RSPRY1: variants seen among roughly 807,000 people sequenced by gnomAD.
RSPRY1 encodes the protein ring finger and SPRY domain containing 1.
Under a neutral mutation model 73.1 loss-of-function variants are expected in RSPRY1, and 23 were observed. The ratio of observed to expected loss-of-function variants is 0.31; its 90% CI spans 0.23 to 0.45. The LOEUF (loss-of-function observed/expected upper bound fraction) is 0.45, where lower values mean the gene tolerates loss of function less well. Among genes scored for constraint, RSPRY1 ranks in the 20% least tolerant of loss-of-function variants. The pLI, the probability that RSPRY1 is intolerant of heterozygous loss-of-function variation, is 1.00. For missense variants in RSPRY1, 448 were observed against 698.7 expected, an observed-to-expected ratio of 0.64 and a Z score of 4.05; for synonymous variants, 226 against 251.4, an observed-to-expected ratio of 0.90 and a Z score of 0.95.
At chr16:57,221,711 C>T (rs1030426046) in intron 10 of RSPRY1, among the ~76,000 whole-genome samples, 3 of 152,274 alleles carry the variant, frequency 2.0e-5, no homozygotes, top group East Asian at 1.9e-4. Flanking sequence ...ACCCCAGCCA[C>T]GTACTTGGCT....
chr16:57,223,799 T>G (rs532708394), intron 10 of RSPRY1, among the ~76,000 whole-genome samples: 1 of 152,202 alleles, frequency 6.6e-6, no homozygotes, highest in African/African-American at 2.4e-5. Context: ...TAAATATCTT[T>G]TGCTTTTTTG....
chr16:57,196,181 GGACCTCATGGGAAATA>G (rs1340448559), intron 1 of RSPRY1, among the ~76,000 whole-genome samples: 1 of 151,886 alleles, frequency 6.6e-6, no homozygotes, highest in African/African-American at 2.4e-5. Flanking sequence ...TTCGTAAGAT[GGACCTCATGGGAAATA>G]TATGGAGCCA....
intron 1 of RSPRY1, among the ~76,000 whole-genome samples, chr16:57,201,692 T>G (rs1002704815): frequency 6.6e-6 from 1 of 152,208 alleles, no homozygotes; most frequent in East Asian, 1.9e-4. Context: ...TGAACGCGAC[T>G]CCGTCTGCCA....
intron 4 of RSPRY1, 150 bp downstream of exon 4, chr16:57,209,337 G>C: frequency 1.8e-6 from 1 of 562,790 alleles, no homozygotes; most frequent in Non-Finnish European, 3.1e-6. Context: ...AATTTATTTT[G>C]TATTATGAAG....
At chr16:57,195,762 C>A (rs543920532) in intron 1 of RSPRY1, among the ~76,000 whole-genome samples, 19 of 151,406 alleles carry the variant, frequency 1.3e-4, no homozygotes, top group African/African-American at 4.1e-4. Context: ...GTGGCTCACA[C>A]CTGTAATCCC....
chr16:57,216,084 T>C, intron 6 of RSPRY1, 23 bp from the exon 7 acceptor site: 2 of 1,558,682 alleles, frequency 1.3e-6, no homozygotes, highest in Non-Finnish European at 1.7e-6. Context: ...TTTTTTTTTT[T>C]TTTATCTTTT....
intron 1 of RSPRY1, among the ~76,000 whole-genome samples, chr16:57,198,902 C>T (rs1340037899): frequency 6.6e-6 from 1 of 152,180 alleles, no homozygotes; most frequent in African/African-American, 2.4e-5. Context: ...TCCTAGGACC[C>T]TTACCACTGT....
At chr16:57,198,094 G>T (rs1225999800) in intron 1 of RSPRY1, among the ~76,000 whole-genome samples, 1 of 151,830 alleles carries the variant, frequency 6.6e-6, no homozygotes, top group Non-Finnish European at 1.5e-5. Context: ...CCTTAAAATT[G>T]TACTAAATGG....
intron 1 of RSPRY1, among the ~76,000 whole-genome samples, chr16:57,202,133 G>A (rs1354335185): frequency 1.3e-4 from 19 of 151,136 alleles, no homozygotes; most frequent in Non-Finnish European, 2.9e-5. Flanking sequence ...CCAGTCTGGG[G>A]AACATAGCAA....
chr16:57,235,090 ACAAAATGTATTT>A (rs773204670), intron 13 of RSPRY1, 22 bp from the exon 14 acceptor site: 19 of 1,522,418 alleles, frequency 1.2e-5, no homozygotes, highest in Non-Finnish European at 1.7e-5. Context: ...ACCCCTGTTG[ACAAAATGTATTT>A]CAAATTGCTT....
At position 57,208,231 on chromosome 16, in the gene RSPRY1, A is replaced by C. The variant is rs561238954; in HGVS notation, c.403+121A>C. ...AAAAGACTCCAAAAATACAGCATAC[A>C]TAACAATGAAAAAAGCCCTTACTGT... On this transcript the variant is annotated intron_variant, in intron 3 of 14. Transcript: ENST00000394420. 173 of 594,842 alleles carry C rather than the reference A, an allele frequency of 2.9e-4. No individual in the cohort carries two copies. The African/African-American group carries it at 3.1e-3, about 11-fold the overall frequency. 36.8% of individuals were successfully genotyped at this position (594,842 alleles called of 1,614,324 possible). A position where few individuals can be genotyped will look rare whatever the true frequency, so the allele number is the denominator to read the frequency against.
chr16:57,228,272 CAAAAAAAAAAA>C (rs34368338), intron 11 of RSPRY1, among the ~76,000 whole-genome samples: 4 of 72,092 alleles, frequency 5.5e-5, no homozygotes, highest in African/African-American at 1.6e-4. Context: ...GACTCCATCT[CAAAAAAAAAAA>C]AAAAAAAAAA....
chr16:57,194,082 G>T (rs2146171223), intron 1 of RSPRY1, among the ~76,000 whole-genome samples: 1 of 152,178 alleles, frequency 6.6e-6, no homozygotes, highest in Admixed American at 6.5e-5. Context: ...AAAAAGATTT[G>T]CACATTTCAG....
intron 1 of RSPRY1, among the ~76,000 whole-genome samples, chr16:57,200,904 G>C (rs1485663804): frequency 7.2e-6 from 1 of 138,286 alleles, no homozygotes; most frequent in African/African-American, 2.7e-5. Context: ...AGTAGGGGCG[G>C]CCAGGCAGAG....
chr16:57,233,774 A>G (rs2075262030), intron 13 of RSPRY1, among the ~76,000 whole-genome samples: 1 of 152,156 alleles, frequency 6.6e-6, no homozygotes, highest in Non-Finnish European at 1.5e-5. Flanking sequence ...ATCCCTCAGC[A>G]AATCCAGTAG....
rs1243055449 is a variant in RSPRY1, at chr16:57,239,744, T to A, written c.*769T>A. 6.6e-6 allele frequency: 1 copy of A among 152,064 alleles called. No individual in the cohort carries two copies. Among genetic ancestry groups the A allele is most frequent in the African/African-American group, 2.4e-5 (1 of 41,414 alleles). The allele number at this position is 152,064 out of a possible 1,614,324, so 9.4% of individuals were successfully genotyped here. ...GGAGGAATTCTTAAATTAGCTGTAATGTTAGGTTGGAGAAAATTTGGTATT... is the reference window on the plus strand; with the variant it reads ...GGAGGAATTCTTAAATTAGCTGTAAAGTTAGGTTGGAGAAAATTTGGTATT... On this transcript the variant is annotated 3_prime_UTR_variant, in exon 15 of 15. Transcript: ENST00000394420.
At chr16:57,227,250 G>A (rs2077939623) in intron 10 of RSPRY1, 92 bp from the exon 11 acceptor site, 2 of 806,562 alleles carry the variant, frequency 2.5e-6, no homozygotes, top group African/African-American at 3.4e-5. Context: ...TAGAATCCCA[G>A]CCATTAGGTC....
chr16:57,215,700 G>T (rs1283583682), intron 6 of RSPRY1, among the ~76,000 whole-genome samples: 1 of 152,114 alleles, frequency 6.6e-6, no homozygotes, highest in Non-Finnish European at 1.5e-5. Flanking sequence ...GTGATAAGTG[G>T]TTCTTTTTAG....
At chr16:57,209,466 C>T (rs1395065814) in intron 4 of RSPRY1, among the ~76,000 whole-genome samples, 2 of 151,970 alleles carry the variant, frequency 1.3e-5, no homozygotes, top group South Asian at 2.1e-4. Context: ...CGGGTCCAAG[C>T]GATTCTCCTG....
Sources: gnomAD v4.1 joint callset for allele counts (sites outside exome capture counted in the v4.1 genomes callset) on GRCh38, gnomAD v4.1.1 for gene constraint, MANE v1.5 for transcripts, NCBI Gene and HGNC (gene_info 2026-07-23, HGNC 2026-07-21) for gene names.